Variants in NLRC5 observed in about 807,000 individuals in gnomAD.
NLRC5 encodes NLR family CARD domain containing 5.
A neutral mutation model predicts 206.9 loss-of-function variants in NLRC5; 114 were observed. The ratio of observed to expected loss-of-function variants is 0.55; its 90% CI spans 0.47 to 0.64. The LOEUF is 0.64. Ranked by LOEUF, NLRC5 falls within the 30% of genes least tolerant of loss-of-function variation. The pLI, the probability that NLRC5 is intolerant of heterozygous loss-of-function variation, is 0.00. For missense variants in NLRC5, 2,008 were observed against 2,305.5 expected (o/e 0.87, Z 2.64); for synonymous variants, 952 against 962.8 (o/e 0.99, Z 0.21).
In NLRC5 at chr16:57,021,057, A is replaced by G. The variant is rs868761728; in HGVS notation, c.295+50A>G. The G allele has an allele frequency of 3.2e-6, 5 of 1,574,942 alleles. No homozygotes were observed. In the Middle Eastern group the frequency reaches 8.7e-4, roughly 273 times the overall value. On this transcript the variant is annotated intron_variant, in intron 3 of 48. Coordinates refer to ENST00000688547, the MANE Select transcript of NLRC5 (RefSeq NM_001384950.1). The stretch of plus-strand genomic sequence containing the variant: ...AAGCAGCCGGGCCAGTACCTGCGTC[A>G]TGGGGAGCCGGGAGGAGCCCAGGGA...
intron 45 of NLRC5, 67 bp from the exon 46 acceptor site, chr16:57,079,479 G>T: frequency 1.4e-6 from 2 of 1,452,070 alleles, no homozygotes; most frequent in Non-Finnish European, 1.9e-6. Context: ...GGCTCTGGAG[G>T]CAGGACCTGC....
At chr16:57,046,434 C>T in intron 21 of NLRC5, 118 bp from the exon 22 acceptor site, 2 of 753,956 alleles carry the variant, frequency 2.7e-6, no homozygotes, top group Non-Finnish European at 2.2e-6. Context: ...TCTGGGAGTC[C>T]AATGTGGGTG....
intron 23 of NLRC5, among the ~76,000 whole-genome samples, chr16:57,051,120 A>G (rs2064840970): frequency 6.6e-6 from 1 of 152,052 alleles, no homozygotes; most frequent in African/African-American, 2.4e-5. Context: ...CAGCCTCCCA[A>G]AGTGCTGCGA....
Position 57,026,219 on chromosome 16 carries a change from G to A in NLRC5, c.1276G>A (p.Gly426Ser). 6.2e-7 allele frequency: 1 copy of A among 1,613,732 alleles called. No individual in the cohort carries two copies. The highest frequency in any genetic ancestry group is 8.5e-7 in the Non-Finnish European group (1 of 1,180,022). Residue 426 changes from glycine (G) to serine (S), a missense_variant, in exon 6 of 49, where the codon GGC (glycine) becomes AGC (serine). Physicochemically the swap from Gly to Ser is moderately conservative, Grantham distance 56. Coordinates refer to ENST00000688547, the MANE Select transcript of NLRC5 (RefSeq NM_001384950.1). ...CCATCTGCTTCCTGACCACGCCCCA[G>A]GCCAGTCTGTGGCCCTCCTGCCCAA... ...LHHLLPDHAP[G>S]QSVALLPNMT...
In NLRC5 at chr16:57,025,573, G is replaced by A. The variant is rs1465901707; in HGVS notation, c.630G>A (p.Ser210=). ...KVEDGADVSI[S]DLFNTRVNKG... Reference sequence around the variant, plus strand: ...AAGATGGTGCTGACGTGAGCATCTCGGACCTCTTCAACACCAGGGTTAACA... The same window carrying A: ...AAGATGGTGCTGACGTGAGCATCTCAGACCTCTTCAACACCAGGGTTAACA... The change falls in exon 6 of 49, where the codon TCG becomes TCA. Residue 210 remains serine, a synonymous_variant. Coordinates refer to ENST00000688547, the MANE Select transcript of NLRC5 (RefSeq NM_001384950.1). 1.4e-5 allele frequency: 23 copies of A among 1,613,942 alleles called. No homozygotes were observed. Among genetic ancestry groups the A allele is most frequent in the South Asian group, 6.6e-5 (6 of 91,068 alleles).
chr16:57,042,536 C>A (rs1346490451), intron 19 of NLRC5, among the ~76,000 whole-genome samples: 2 of 152,126 alleles, frequency 1.3e-5, no homozygotes, highest in Non-Finnish European at 2.9e-5. Context: ...TAGGAGGAAT[C>A]CCCAAAGTTT....
chr16:57,002,560 C>T (rs2058385221), intron 1 of NLRC5, among the ~76,000 whole-genome samples: 1 of 152,022 alleles, frequency 6.6e-6, no homozygotes, highest in African/African-American at 2.4e-5. Flanking sequence ...CTCTTTGAGA[C>T]ACTGATTCCT....
At chr16:57,011,437 T>G (rs117398617) in intron 1 of NLRC5, among the ~76,000 whole-genome samples, 22,742 of 149,056 alleles carry the variant, frequency 0.15, 2,202 homozygotes, top group Middle Eastern at 0.27. Context: ...AAATTGAATT[T>G]AGACTCAGGT....
chr16:57,025,246 C>G, intron 5 of NLRC5, 122 bp from the exon 6 acceptor site: 1 of 1,453,384 alleles, frequency 6.9e-7, no homozygotes, highest in Non-Finnish European at 9.0e-7. Flanking sequence ...CACCCCCACC[C>G]TCACCCCATC....
intron 23 of NLRC5, among the ~76,000 whole-genome samples, chr16:57,050,846 G>A (rs769401740): frequency 6.6e-6 from 1 of 152,006 alleles, no homozygotes; most frequent in Non-Finnish European, 1.5e-5. Context: ...AGGCAGCATT[G>A]TTTTCTTTTC....
At chr16:57,011,971 G>A (rs1236007258) in intron 1 of NLRC5, among the ~76,000 whole-genome samples, 1 of 152,144 alleles carries the variant, frequency 6.6e-6, no homozygotes, top group Non-Finnish European at 1.5e-5. Context: ...AATTTACTGA[G>A]TTATGTGACC....
Position 57,026,871 on chromosome 16 carries a change from A to G in NLRC5, c.1928A>G (p.Asn643Ser). Reference protein sequence around the residue: ...QSLPYQLPFHNFPLTCTDLAT... With the variant: ...QSLPYQLPFHSFPLTCTDLAT... ...CTCCCCTATCAACTGCCCTTCCACA[A>G]TTTCCCACTGACCTGCACCGACCTG... Residue 643 changes from asparagine to serine, a missense_variant, in exon 6 of 49, where the codon AAT becomes AGT. Physicochemically the swap from Asn to Ser is conservative, Grantham distance 46. Transcript: ENST00000688547. The G allele has an allele frequency of 6.2e-7, 1 of 1,613,974 alleles. No individual in the cohort carries two copies. Among genetic ancestry groups the G allele is most frequent in the Non-Finnish European group, 8.5e-7 (1 of 1,179,974 alleles).
intron 14 of NLRC5, among the ~76,000 whole-genome samples, chr16:57,036,667 G>C (rs570519462): frequency 3.7e-4 from 56 of 152,070 alleles, no homozygotes; most frequent in Non-Finnish European, 7.1e-4. Context: ...GTTTGGGTGG[G>C]GGTGTCTTGG....
chr16:57,031,382 G>T, intron 10 of NLRC5, 22 bp from the exon 11 acceptor site: 1 of 1,613,898 alleles, frequency 6.2e-7, no homozygotes, highest in Non-Finnish European at 8.5e-7. Context: ...TGGGTTTCAT[G>T]GCTTGGTATC....
In NLRC5 at chr16:57,067,397, T is replaced by C; in HGVS notation, c.4333T>C (p.Cys1445Arg). ...CCTGTCTGTGTCCAGGTTGGCTCAC[T>C]GTGACCTTGGAGCCCACCACAGCCT... Reference protein sequence around the residue: ...PEAVALRLAHCDLGAHHSLLV... With the variant: ...PEAVALRLAHRDLGAHHSLLV... The change falls in exon 35 of 49, where the codon TGT becomes CGT. Residue 1445 changes from cysteine to arginine, a missense_variant. By Grantham distance (180) the Cys-to-Arg change is radical. Coordinates refer to ENST00000688547, the MANE Select transcript of NLRC5 (RefSeq NM_001384950.1). The C allele has an allele frequency of 1.2e-6, 2 of 1,614,232 alleles. No individual in the cohort carries two copies. The highest frequency in any genetic ancestry group is 1.7e-6 in the Non-Finnish European group (2 of 1,180,004).
intron 18 of NLRC5, 35 bp from the exon 19 acceptor site, chr16:57,041,947 G>T (rs1480370672): frequency 6.0e-5 from 88 of 1,458,984 alleles, no homozygotes; most frequent in Non-Finnish European, 7.9e-5. Context: ...CTCCCCACCT[G>T]CTAATGTTCT....
chr16:57,062,160 T>G (rs1266693309), intron 32 of NLRC5: 5 of 765,412 alleles, frequency 6.5e-6, no homozygotes, highest in Non-Finnish European at 5.8e-6. Context: ...TTATTTCAGC[T>G]GAAGCGGTTT....
intron 38 of NLRC5, among the ~76,000 whole-genome samples, chr16:57,071,000 G>GGGGTGAGTGA (rs2067633967): frequency 1.3e-5 from 1 of 75,288 alleles, no homozygotes; most frequent in Non-Finnish European, 3.1e-5. Context: ...AATGGGGAAG[G>GGGGTGAGTGA]GTTGTGAGTG....
intron 2 of NLRC5, among the ~76,000 whole-genome samples, chr16:57,017,950 A>C (rs1342056474): frequency 6.6e-6 from 1 of 152,204 alleles, no homozygotes; most frequent in Non-Finnish European, 1.5e-5. Context: ...TGGAAATCTC[A>C]ATGACTGATA....
Sources: gnomAD v4.1 joint callset for allele counts (sites outside exome capture counted in the v4.1 genomes callset) on GRCh38, gnomAD v4.1.1 for gene constraint, MANE v1.5 for transcripts, NCBI Gene and HGNC (gene_info 2026-07-23, HGNC 2026-07-21) for gene names.